The following TCF12 variants were observed in gnomAD, a reference collection of about 807,000 sequenced individuals.
TCF12 encodes DNA-binding protein HTF4.
TCF12 carries 45 observed loss-of-function variants against 86.0 expected under a neutral mutation model. The observed-to-expected ratio is 0.52, with a 90% confidence interval of 0.41 to 0.67. The LOEUF is 0.67. Among genes scored for constraint, TCF12 ranks in the 30% least tolerant of loss-of-function variants. The pLI, the probability that TCF12 is intolerant of heterozygous loss-of-function variation, is 0.00. For missense variants in TCF12, 881 were observed against 859.9 expected, an observed-to-expected ratio of 1.02 and a Z score of -0.31; for synonymous variants, 330 against 299.6, an observed-to-expected ratio of 1.10 and a Z score of -1.05.
chr15:57,263,017 G>T, intron 17 of TCF12, 95 bp from the exon 18 acceptor site: 1 of 1,315,544 alleles, frequency 7.6e-7, no homozygotes, highest in Non-Finnish European at 1.0e-6. Flanking sequence ...TAACTGCTAA[G>T]GATATTCACC....
chr15:57,289,009 C>T lies in TCF12; in HGVS notation c.*2864C>T, dbSNP rs1401685734. On this transcript the variant is annotated 3_prime_UTR_variant, in exon 21 of 21. Transcript: ENST00000333725. The stretch of plus-strand genomic sequence containing the variant: ...CCCAGTTTTTAACCACAAAAAAAAG[C>T]GTAGGGATTATCCATGAGGACTTCA... The T allele has an allele frequency of 1.3e-5, 2 of 151,942 alleles. No individual in the cohort carries two copies. Among genetic ancestry groups the T allele is most frequent in the Non-Finnish European group, 2.9e-5 (2 of 68,006 alleles). The allele number at this position is 151,942 out of a possible 1,614,324, so 9.4% of individuals were successfully genotyped here.
chr15:57,044,530 T>C (rs1191853655), intron 3 of TCF12, among the ~76,000 whole-genome samples: 1 of 152,246 alleles, frequency 6.6e-6, no homozygotes, highest in African/African-American at 2.4e-5. Flanking sequence ...GAATGAATCA[T>C]CATGCTCAGA....
At chr15:56,981,233 A>G (rs1236799443) in intron 3 of TCF12, among the ~76,000 whole-genome samples, 2 of 152,210 alleles carry the variant, frequency 1.3e-5, no homozygotes, top group Non-Finnish European at 2.9e-5. Flanking sequence ...TAATTTATGA[A>G]GAACAGAAAT....
Position 57,137,049 on chromosome 15 carries a change from G to A in TCF12, c.326-29353G>A, listed in dbSNP as rs536243333. Among the ~76,000 whole-genome samples the A allele has an allele frequency of 6.6e-5, 9 of 136,984 alleles. No individual in the cohort carries two copies. The East Asian group carries it at 2.0e-3, about 30-fold the overall frequency. The allele number at this position is 136,984 out of a possible 152,430, so 89.9% of individuals were successfully genotyped here. A position where few individuals can be genotyped will look rare whatever the true frequency, so the allele number is the denominator to read the frequency against. ...GGCTGGAGTGCAGTGGCGCGATCTC[G>A]GCTCACTGCGAGCTCTGTCTCCCGG... On this transcript the variant is annotated intron_variant, in intron 5 of 20. Coordinates refer to ENST00000333725, the MANE Select transcript of TCF12 (RefSeq NM_207037.2).
chr15:56,980,976 A>G (rs1177156285), intron 3 of TCF12, among the ~76,000 whole-genome samples: 1 of 152,242 alleles, frequency 6.6e-6, no homozygotes, highest in Non-Finnish European at 1.5e-5. Flanking sequence ...ATGGAAGATT[A>G]GGTAATCACT....
At chr15:57,199,648 A>G (rs1308378568) in intron 8 of TCF12, among the ~76,000 whole-genome samples, 2 of 152,180 alleles carry the variant, frequency 1.3e-5, no homozygotes, top group South Asian at 2.1e-4. Context: ...TGGAGGTAGT[A>G]GTTCTCTGTA....
intron 5 of TCF12, among the ~76,000 whole-genome samples, chr15:57,110,314 TGG>T (rs1180078644): frequency 3.2e-4 from 2 of 6,198 alleles, no homozygotes; most frequent in Non-Finnish European, 5.0e-3. Context: ...ATACCATAGT[TGG>T]GGGAAAAATG....
chr15:57,023,055 A>G (rs2065594134), intron 3 of TCF12, among the ~76,000 whole-genome samples: 2 of 152,156 alleles, frequency 1.3e-5, no homozygotes, highest in African/African-American at 2.4e-5. Flanking sequence ...GAGACATTAA[A>G]TGTCATAATT....
chr15:57,278,214 T>A (rs1306648209), intron 19 of TCF12, among the ~76,000 whole-genome samples: 1 of 151,952 alleles, frequency 6.6e-6, no homozygotes, highest in Non-Finnish European at 1.5e-5. Context: ...TGTTATAGAA[T>A]CCAGGAAACA....
At chr15:57,270,452 A>G (rs1335964626) in intron 18 of TCF12, among the ~76,000 whole-genome samples, 2 of 152,204 alleles carry the variant, frequency 1.3e-5, no homozygotes, top group Non-Finnish European at 2.9e-5. Context: ...CTATTTAGCC[A>G]TTCGTCTAAC....
chr15:57,013,207 A>G (rs556179153), intron 3 of TCF12, among the ~76,000 whole-genome samples: 58 of 152,296 alleles, frequency 3.8e-4, no homozygotes, highest in South Asian at 1.2e-3. Flanking sequence ...TCCAGTAAAT[A>G]TTTATCGAGT....
chr15:57,222,028 C>T (rs1222969760), intron 8 of TCF12, among the ~76,000 whole-genome samples: 1 of 151,904 alleles, frequency 6.6e-6, no homozygotes, highest in Non-Finnish European at 1.5e-5. Context: ...TACTTCTTGT[C>T]ATGAACAGGT....
At position 57,286,281 on chromosome 15, in the gene TCF12, A is replaced by G. The variant is rs1221224950; in HGVS notation, c.*136A>G. On this transcript the variant is annotated 3_prime_UTR_variant, in exon 21 of 21. Coordinates refer to ENST00000333725, the MANE Select transcript of TCF12 (RefSeq NM_207037.2). ...GAAAAAACAAAACACTTGAACCAAG[A>G]AACTCAAATGTAATCCTACGATCAA... is the stretch of plus-strand genomic sequence containing the variant. 2.1e-5 allele frequency: 4 copies of G among 192,918 alleles called. No homozygotes were observed. Among genetic ancestry groups the G allele is most frequent in the Non-Finnish European group, 4.3e-5 (4 of 92,320 alleles). 12.0% of individuals were successfully genotyped at this position (192,918 alleles called of 1,614,324 possible).
chr15:57,206,940 A>AG (rs1490065307), intron 8 of TCF12, among the ~76,000 whole-genome samples: 7 of 151,106 alleles, frequency 4.6e-5, no homozygotes, highest in African/African-American at 9.7e-5. Flanking sequence ...AAAAAAAAAA[A>AG]AAAGAAAAGG....
chr15:56,956,542 A>G (rs1318560000), intron 3 of TCF12, among the ~76,000 whole-genome samples: 2 of 152,108 alleles, frequency 1.3e-5, no homozygotes, highest in East Asian at 3.8e-4. Flanking sequence ...TTGTACTTCA[A>G]CAACTTTAAC....
In TCF12 at chr15:57,286,276, C is replaced by G. The variant is rs2061930430; in HGVS notation, c.*131C>G. ...GAGAAGAAAAAACAAAACACTTGAACCAAGAAACTCAAATGTAATCCTACG... is the reference window on the plus strand; with the variant it reads ...GAGAAGAAAAAACAAAACACTTGAAGCAAGAAACTCAAATGTAATCCTACG... On this transcript the variant is annotated 3_prime_UTR_variant, in exon 21 of 21. Transcript: ENST00000333725. 1 of 192,144 alleles carries G rather than the reference C, an allele frequency of 5.2e-6. No homozygotes were observed. The highest frequency in any genetic ancestry group is 2.4e-5 in the African/African-American group (1 of 42,218). 11.9% of individuals were successfully genotyped at this position (192,144 alleles called of 1,614,324 possible). A position where few individuals can be genotyped will look rare whatever the true frequency, so the allele number is the denominator to read the frequency against.
intron 19 of TCF12, chr15:57,278,748 CCT>C (rs2061533185): frequency 7.9e-6 from 1 of 126,166 alleles, no homozygotes; most frequent in South Asian, 2.7e-4. Flanking sequence ...TCCCTCCCTC[CCT>C]CTCTCTCCCT....
intron 5 of TCF12, among the ~76,000 whole-genome samples, chr15:57,104,599 C>A (rs2050006627): frequency 6.6e-6 from 1 of 151,114 alleles, no homozygotes; most frequent in Non-Finnish European, 1.5e-5. Flanking sequence ...GCACACCCAG[C>A]TAATTTTTCT....
intron 3 of TCF12, among the ~76,000 whole-genome samples, chr15:56,959,341 A>G (rs1191735927): frequency 6.6e-6 from 1 of 152,210 alleles, no homozygotes; most frequent in Non-Finnish European, 1.5e-5. Context: ...AGTAGGATAT[A>G]TCTGCATCTC....
Sources: allele counts gnomAD v4.1 joint callset (sites outside exome capture counted in the v4.1 genomes callset), GRCh38; gene constraint gnomAD v4.1.1; transcripts MANE v1.5; gene names NCBI Gene and HGNC (gene_info 2026-07-23, HGNC 2026-07-21).